Variants in AKAP13 observed in about 807,000 individuals in gnomAD.
AKAP13 encodes A-kinase anchor protein 13.
AKAP13 carries 80 observed loss-of-function variants against 264.5 expected under a neutral mutation model. That is an observed-to-expected ratio of 0.30 (90% CI 0.25 to 0.36). The LOEUF (loss-of-function observed/expected upper bound fraction) is 0.36. AKAP13 is among the 10% of genes least tolerant of loss of function. The pLI is 1.00. For synonymous variants in AKAP13, 1,380 were observed against 1,250.2 expected (o/e 1.10, Z -2.19); for missense variants, 3,712 against 3,435.2 (o/e 1.08, Z -2.01).
chr15:85,549,645 T>G (rs553785747), intron 5 of AKAP13, among the ~76,000 whole-genome samples: 1 of 152,298 alleles, frequency 6.6e-6, no homozygotes, highest in Admixed American at 6.5e-5. Context: ...AGAGCTACTG[T>G]TACACAGACA....
At chr15:85,673,017 T>G (rs1184013049) in intron 14 of AKAP13, among the ~76,000 whole-genome samples, 1 of 152,246 alleles carries the variant, frequency 6.6e-6, no homozygotes, top group Non-Finnish European at 1.5e-5. Flanking sequence ...AGCTTTTACC[T>G]GTGCTCTTTT....
At chr15:85,675,150 A>G (rs1392188046) in intron 14 of AKAP13, among the ~76,000 whole-genome samples, 1 of 152,172 alleles carries the variant, frequency 6.6e-6, no homozygotes, top group African/African-American at 2.4e-5. Flanking sequence ...TTTCCTTATG[A>G]TCCATGATTT....
chr15:85,399,535 A>AAAATAAATAAATAAAT (rs1315010301), intron 1 of AKAP13, among the ~76,000 whole-genome samples: 6 of 105,600 alleles, frequency 5.7e-5, no homozygotes, highest in South Asian at 5.2e-4. Context: ...AAAAAATAAA[A>AAAATAAATAAATAAAT]AAATAAATAA....
intron 8 of AKAP13, among the ~76,000 whole-genome samples, chr15:85,593,124 A>G (rs1352182995): frequency 6.6e-6 from 1 of 152,196 alleles, no homozygotes; most frequent in Non-Finnish European, 1.5e-5. Context: ...AGCCTGGCCA[A>G]CATGGCAAAA....
At chr15:85,673,186 A>AT (rs2084014182) in intron 14 of AKAP13, among the ~76,000 whole-genome samples, 1 of 152,042 alleles carries the variant, frequency 6.6e-6, no homozygotes, top group Admixed American at 6.5e-5. Flanking sequence ...TTGTAGCATT[A>AT]TTTCTAAGCT....
chr15:85,413,160 T>A (rs1252630651), intron 1 of AKAP13, among the ~76,000 whole-genome samples: 1 of 152,206 alleles, frequency 6.6e-6, no homozygotes, highest in East Asian at 1.9e-4. Context: ...GTCTGAAGAT[T>A]GTTGATGCAA....
At chr15:85,510,414 A>G (rs2076379303) in intron 2 of AKAP13, among the ~76,000 whole-genome samples, 2 of 152,224 alleles carry the variant, frequency 1.3e-5, no homozygotes, top group African/African-American at 4.8e-5. Context: ...TAATTATATT[A>G]GTAATACATT....
chr15:85,463,524 A>G (rs1287570478), intron 1 of AKAP13, among the ~76,000 whole-genome samples: 2 of 152,216 alleles, frequency 1.3e-5, no homozygotes, highest in Non-Finnish European at 2.9e-5. Context: ...AAATTGCACA[A>G]AATGGTAGAA....
At chr15:85,649,801 A>G (rs1462524203) in intron 10 of AKAP13, among the ~76,000 whole-genome samples, 1 of 152,212 alleles carries the variant, frequency 6.6e-6, no homozygotes, top group Non-Finnish European at 1.5e-5. Flanking sequence ...AAATCCTAGG[A>G]TTCTTTTTGG....
intron 2 of AKAP13, among the ~76,000 whole-genome samples, chr15:85,518,999 T>C (rs2076709857): frequency 6.6e-6 from 1 of 151,956 alleles, no homozygotes; most frequent in Non-Finnish European, 1.5e-5. Flanking sequence ...GCACAGAGAG[T>C]CTCCCAGCAA....
intron 1 of AKAP13, among the ~76,000 whole-genome samples, chr15:85,457,232 C>A (rs2150990103): frequency 6.6e-6 from 1 of 152,212 alleles, no homozygotes; most frequent in Admixed American, 6.5e-5. Flanking sequence ...TGTTTAACAC[C>A]ACAGTGAGTG....
At chr15:85,740,928 G>A (rs919179042) in intron 34 of AKAP13, 118 bp from the exon 35 acceptor site, 3 of 1,463,482 alleles carry the variant, frequency 2.0e-6, no homozygotes, top group East Asian at 4.8e-5. Context: ...TGAAAAATGA[G>A]GGGAGAGTTC....
intron 1 of AKAP13, among the ~76,000 whole-genome samples, chr15:85,449,957 C>G (rs763046584): frequency 6.6e-6 from 1 of 151,868 alleles, no homozygotes; most frequent in East Asian, 1.9e-4. Flanking sequence ...GAAGTCCTTC[C>G]TCCTCAATTT....
chr15:85,735,537 AAAC>A lies in AKAP13; in HGVS notation c.7442-19_7442-17del, dbSNP rs747305584. 13 of 1,588,616 alleles carry A rather than the reference AAAC, an allele frequency of 8.2e-6. No homozygotes were observed. In the Admixed American group the frequency reaches 1.3e-4, roughly 16 times the overall value. On this transcript the variant is annotated intron_variant, in intron 31 of 36. Transcript: ENST00000394518. ...ATCTGTTTCACAACTTTAAAAAAAAAAACAACCCTATTTTTTGTTTAGGAGGCG... is the reference window on the plus strand; with the variant it reads ...ATCTGTTTCACAACTTTAAAAAAAAAAACCCTATTTTTTGTTTAGGAGGCG...
intron 17 of AKAP13, among the ~76,000 whole-genome samples, chr15:85,707,594 T>G (rs2151688215): frequency 6.6e-6 from 1 of 152,386 alleles, no homozygotes; most frequent in South Asian, 2.1e-4. Context: ...TACACATTGA[T>G]GGCAGACACT....
chr15:85,586,541 A>G (rs1408997343), intron 8 of AKAP13, among the ~76,000 whole-genome samples: 1 of 152,162 alleles, frequency 6.6e-6, no homozygotes, highest in East Asian at 1.9e-4. Flanking sequence ...CTTTCTTTAT[A>G]TAAAAACTGA....
chr15:85,721,901 GACTTTT>G lies in AKAP13; in HGVS notation c.6253-87_6253-82del. The G allele has an allele frequency of 1.3e-6, 2 of 1,561,710 alleles. 1 individual carries two copies. The highest frequency in any genetic ancestry group is 2.4e-5 in the South Asian group (2 of 82,424). ...GGAGAATTTATGAGGAAGCGCTCTTGACTTTTACAACTAGACTGGAAACATTTTACA... is the reference window on the plus strand; with the variant it reads ...GGAGAATTTATGAGGAAGCGCTCTTGACAACTAGACTGGAAACATTTTACA... On this transcript the variant is annotated intron_variant, in intron 23 of 36. Coordinates refer to ENST00000394518, the MANE Select transcript of AKAP13 (RefSeq NM_007200.5).
In AKAP13 at chr15:85,719,272, T is replaced by A; in HGVS notation, c.6198T>A (p.Asp2066Glu). ...ILERKKESLV[D>E]KSEKNFLIKR... The stretch of plus-strand genomic sequence containing the variant: ...AGCGGAAGAAGGAGTCTCTGGTGGA[T>A]AAAAGTGAAAAGAACTTTCTCATCA... The change falls in exon 23 of 37, where the codon GAT (aspartate) becomes GAA (glutamate). Residue 2066 changes from aspartate (D) to glutamate (E), a missense_variant. Asp to Glu is a conservative substitution (Grantham distance 45, BLOSUM62 2). Transcript: ENST00000394518. The A allele has an allele frequency of 1.9e-6, 3 of 1,614,148 alleles. No homozygotes were observed. Among genetic ancestry groups the A allele is most frequent in the Non-Finnish European group, 2.5e-6 (3 of 1,180,024 alleles).
In AKAP13 at chr15:85,712,763, C is replaced by T. The variant is rs539440881; in HGVS notation, c.5599+2118C>T. 9.2e-5 allele frequency among the ~76,000 whole-genome samples: 14 copies of T among 152,232 alleles called. No homozygotes were observed. The South Asian group carries it at 2.7e-3, about 29-fold the overall frequency. Reference sequence around the variant, plus strand: ...TTCACCATGTTGGCTAGGCTGGTGTCGAATTTTTGACCTCAAGGCATCTGT... The same window carrying T: ...TTCACCATGTTGGCTAGGCTGGTGTTGAATTTTTGACCTCAAGGCATCTGT... On this transcript the variant is annotated intron_variant, in intron 19 of 36. Coordinates refer to ENST00000394518, the MANE Select transcript of AKAP13 (RefSeq NM_007200.5).
Sources: allele counts gnomAD v4.1 joint callset (sites outside exome capture counted in the v4.1 genomes callset), GRCh38; gene constraint gnomAD v4.1.1; transcripts MANE v1.5; gene names NCBI Gene and HGNC (gene_info 2026-07-23, HGNC 2026-07-21).